The following SLC8A1 variants were observed in gnomAD, a reference collection of about 807,000 sequenced individuals.
SLC8A1 encodes the protein solute carrier family 8 member A1, also known as sodium/calcium exchanger 1.
A neutral mutation model predicts 68.3 loss-of-function variants in SLC8A1; 18 were observed. That is an observed-to-expected ratio of 0.26 (90% confidence interval 0.18 to 0.39). The LOEUF is 0.39. Ranked by LOEUF, SLC8A1 falls within the 10% of genes least tolerant of loss-of-function variation. The pLI is 1.00. For synonymous variants in SLC8A1, 475 were observed against 415.5 expected (o/e 1.14, Z -1.74); for missense variants, 985 against 1,156.7 (o/e 0.85, Z 2.15).
chr2:40,149,486 G>T (rs1222320327), intron 6 of SLC8A1, among the ~76,000 whole-genome samples: 1 of 152,214 alleles, frequency 6.6e-6, no homozygotes, highest in East Asian at 1.9e-4. Flanking sequence ...TAAGACTTTA[G>T]TGAGGAGAAA....
chr2:40,112,057 A>C (rs1212736377), exon 8 of SLC8A1: 1 of 152,258 alleles, frequency 6.6e-6, no homozygotes, highest in African/African-American at 2.4e-5. Context: ...AAAAGAGAAC[A>C]TTGCATGACC....
At chr2:40,441,933 A>T (rs893835066) in intron 1 of SLC8A1, among the ~76,000 whole-genome samples, 9 of 151,602 alleles carry the variant, frequency 5.9e-5, no homozygotes, top group Non-Finnish European at 1.3e-4. Context: ...TAATTAAACC[A>T]AAGAGCTTCT....
At chr2:40,182,789 C>T (rs1167714005) in intron 2 of SLC8A1, among the ~76,000 whole-genome samples, 1 of 152,154 alleles carries the variant, frequency 6.6e-6, no homozygotes, top group Non-Finnish European at 1.5e-5. Flanking sequence ...ATTTTAGTTT[C>T]TCATTGTTAA....
intron 2 of SLC8A1, among the ~76,000 whole-genome samples, chr2:40,390,845 AGATCTGTGTACC>A (rs1463690637): frequency 6.6e-6 from 1 of 152,068 alleles, no homozygotes; most frequent in Admixed American, 6.6e-5. Flanking sequence ...TTTTTTTAAA[AGATCTGTGTACC>A]CAATTTGATA....
At chr2:40,436,334 C>T (rs779087317) in intron 1 of SLC8A1, among the ~76,000 whole-genome samples, 2 of 152,112 alleles carry the variant, frequency 1.3e-5, no homozygotes, top group Non-Finnish European at 2.9e-5. Flanking sequence ...TGGGCCTAAG[C>T]ATTTGCAGTT....
chr2:40,412,058 G>T (rs1252364926), intron 2 of SLC8A1, among the ~76,000 whole-genome samples: 1 of 152,072 alleles, frequency 6.6e-6, no homozygotes, highest in Non-Finnish European at 1.5e-5. Flanking sequence ...TAAATAACTA[G>T]CCCAATATTA....
chr2:40,200,221 T>TAAA (rs1558722315), intron 2 of SLC8A1, among the ~76,000 whole-genome samples: 2 of 1,912 alleles, frequency 1.0e-3, no homozygotes, highest in African/African-American at 2.3e-3. Flanking sequence ...TATATATATT[T>TAAA]TTTTATATAT....
At chr2:40,349,720 G>T (rs1255126482) in intron 2 of SLC8A1, among the ~76,000 whole-genome samples, 2 of 152,060 alleles carry the variant, frequency 1.3e-5, no homozygotes, top group Non-Finnish European at 2.9e-5. Context: ...GGTACTATCT[G>T]CAAAAGTGCC....
chr2:40,247,456 G>GTGGA (rs1558939682), intron 2 of SLC8A1, among the ~76,000 whole-genome samples: 1 of 111,482 alleles, frequency 9.0e-6, no homozygotes, highest in African/African-American at 3.9e-5. Context: ...GTGTGTGTGT[G>GTGGA]GAGAGAGAGA....
At chr2:40,331,206 A>C (rs2076371300) in intron 2 of SLC8A1, among the ~76,000 whole-genome samples, 1 of 152,222 alleles carries the variant, frequency 6.6e-6, no homozygotes, top group African/African-American at 2.4e-5. Flanking sequence ...TGCTAAGCTT[A>C]GTGTCTGGCA....
chr2:40,387,435 T>C (rs1683909402), intron 2 of SLC8A1, among the ~76,000 whole-genome samples: 1 of 151,334 alleles, frequency 6.6e-6, no homozygotes, highest in Admixed American at 6.6e-5. Flanking sequence ...CTCAAACTTT[T>C]TTTTTCCATA....
chr2:40,492,500 T>C (rs1393735007), intron 1 of SLC8A1, among the ~76,000 whole-genome samples: 3 of 151,930 alleles, frequency 2.0e-5, no homozygotes, highest in East Asian at 1.9e-4. Context: ...AAATGGGATC[T>C]AATTAAACTA....
chr2:40,175,108 A>G (rs1375712740), intron 3 of SLC8A1, among the ~76,000 whole-genome samples, 153 bp downstream of exon 4: 2 of 152,190 alleles, frequency 1.3e-5, no homozygotes, highest in Non-Finnish European at 2.9e-5. Flanking sequence ...AATATAAACT[A>G]TTTGACCTTG....
chr2:40,502,621 GATTT>G (rs1304721310), intron 1 of SLC8A1, among the ~76,000 whole-genome samples: 1 of 151,958 alleles, frequency 6.6e-6, no homozygotes, highest in Non-Finnish European at 1.5e-5. Context: ...CAGTTGTGAA[GATTT>G]ATTAGAGCAT....
At chr2:40,145,230 C>T (rs2042241830) in intron 6 of SLC8A1, among the ~76,000 whole-genome samples, 1 of 152,150 alleles carries the variant, frequency 6.6e-6, no homozygotes, top group African/African-American at 2.4e-5. Context: ...TAATGTCTTC[C>T]AGGCCCATCC....
chr2:40,463,897 T>TATAG (rs796638875), intron 1 of SLC8A1, among the ~76,000 whole-genome samples: 20 of 143,908 alleles, frequency 1.4e-4, no homozygotes, highest in East Asian at 6.1e-4. Flanking sequence ...CATATATATA[T>TATAG]AGAGAGAGAG....
intron 2 of SLC8A1, among the ~76,000 whole-genome samples, chr2:40,320,100 A>G (rs1434235534): frequency 6.6e-6 from 1 of 152,130 alleles, no homozygotes; most frequent in East Asian, 1.9e-4. Context: ...CATCATTATC[A>G]TCATTACCAT....
At chr2:40,373,715 T>A (rs1460962035) in intron 2 of SLC8A1, among the ~76,000 whole-genome samples, 1 of 152,042 alleles carries the variant, frequency 6.6e-6, no homozygotes, top group Non-Finnish European at 1.5e-5. Flanking sequence ...TTCCCACTTT[T>A]TCCTTCCTAC....
At chr2:40,234,453 TC>T (rs1490504882) in intron 2 of SLC8A1, among the ~76,000 whole-genome samples, 1 of 152,182 alleles carries the variant, frequency 6.6e-6, no homozygotes, top group Non-Finnish European at 1.5e-5. Context: ...TGATTTTGTA[TC>T]CTGAGACTTT....
Sources: allele counts gnomAD v4.1 joint callset (sites outside exome capture counted in the v4.1 genomes callset), GRCh38; gene constraint gnomAD v4.1.1; transcripts MANE v1.5; gene names NCBI Gene and HGNC (gene_info 2026-07-23, HGNC 2026-07-21).